The following TAS2R1 variants were observed in gnomAD, a reference collection of about 807,000 sequenced individuals.
TAS2R1 encodes the protein taste receptor type 2 member 1.
For missense variants in TAS2R1, 370 were observed against 353.4 expected (o/e 1.05, Z -0.38); for synonymous variants, 141 against 134.2 (o/e 1.05, Z -0.35).
At chr5:9,845,306 A>G in the TAS2R1 span, among the ~76,000 whole-genome samples, 3 of 152,214 alleles carry the variant, frequency 2.0e-5, no homozygotes, top group Non-Finnish European at 4.4e-5. Flanking sequence ...TATTATTGGT[A>G]TATTTGCCTG....
chr5:9,856,095 C>A, the TAS2R1 span, among the ~76,000 whole-genome samples: 3 of 151,850 alleles, frequency 2.0e-5, no homozygotes. Flanking sequence ...TTATTAGAAC[C>A]AAACCTTCAG....
the TAS2R1 span, among the ~76,000 whole-genome samples, chr5:9,862,423 G>C: frequency 6.6e-6 from 1 of 152,206 alleles, no homozygotes; most frequent in East Asian, 1.9e-4. Context: ...CAGCCGTGGA[G>C]GAAGGGAAGC....
chr5:9,812,166 C>A, the TAS2R1 span, among the ~76,000 whole-genome samples: 8 of 151,984 alleles, frequency 5.3e-5, no homozygotes, highest in Non-Finnish European at 4.4e-5. Context: ...ACCCAATAAC[C>A]CATGAATTTC....
At chr5:9,882,616 A>C in the TAS2R1 span, among the ~76,000 whole-genome samples, 1 of 152,180 alleles carries the variant, frequency 6.6e-6, no homozygotes, top group African/African-American at 2.4e-5. Flanking sequence ...ACAGAGCAAA[A>C]CTCTTGTCTC....
chr5:9,756,716 T>C, the TAS2R1 span, among the ~76,000 whole-genome samples: 2 of 152,200 alleles, frequency 1.3e-5, no homozygotes, highest in African/African-American at 4.8e-5. Context: ...ATGACATTTT[T>C]ATTTTATTTT....
At chr5:9,786,154 C>T in the TAS2R1 span, among the ~76,000 whole-genome samples, 3 of 152,134 alleles carry the variant, frequency 2.0e-5, no homozygotes, top group Non-Finnish European at 4.4e-5. Context: ...GGCAGGATGT[C>T]ATTAGGAAAA....
the TAS2R1 span, among the ~76,000 whole-genome samples, chr5:9,802,736 A>C: frequency 6.6e-6 from 1 of 152,110 alleles, no homozygotes; most frequent in South Asian, 2.1e-4. Flanking sequence ...CCCCATCTCT[A>C]CTAAAAATAC....
At chr5:9,676,077 T>A (rs1002781580) in intron 1 of TAS2R1, among the ~76,000 whole-genome samples, 1 of 152,208 alleles carries the variant, frequency 6.6e-6, no homozygotes, top group Admixed American at 6.5e-5. Context: ...TGTTAAAATT[T>A]TGTCAATTTT....
Position 9,667,375 on chromosome 5 carries a change from G to A in TAS2R1, c.-241-7794C>T, listed in dbSNP as rs533445965. 1.7e-4 allele frequency among the ~76,000 whole-genome samples: 26 copies of A among 152,262 alleles called. No homozygotes were observed. The South Asian group carries it at 5.2e-3, about 30-fold the overall frequency. On this transcript the variant is annotated intron_variant, in intron 1 of 2. Coordinates refer to the TAS2R1 transcript ENST00000506620. ...AATTTGCCAAAGGGTACAGCCTCCT[G>A]TTGCCCTGGAAATACCTGGATTGCA...
At chr5:9,844,396 A>G in the TAS2R1 span, among the ~76,000 whole-genome samples, 1 of 152,036 alleles carries the variant, frequency 6.6e-6, no homozygotes, top group Non-Finnish European at 1.5e-5. Flanking sequence ...TCAGTTCTTT[A>G]TATTTGCCCT....
At chr5:9,878,048 T>A in the TAS2R1 span, among the ~76,000 whole-genome samples, 1 of 152,164 alleles carries the variant, frequency 6.6e-6, no homozygotes, top group Non-Finnish European at 1.5e-5. Flanking sequence ...TTAAACATAA[T>A]CCACTAGGAC....
At chr5:9,752,358 G>C in the TAS2R1 span, among the ~76,000 whole-genome samples, 358 of 152,248 alleles carry the variant, frequency 2.4e-3, no homozygotes, top group Non-Finnish European at 3.9e-3. Flanking sequence ...GGTCCATGTA[G>C]CTCTACTGAA....
the TAS2R1 span, among the ~76,000 whole-genome samples, chr5:9,734,436 C>T: frequency 6.6e-6 from 1 of 152,248 alleles, no homozygotes; most frequent in Non-Finnish European, 1.5e-5. Flanking sequence ...GATTTATTAA[C>T]CCACATCTGA....
At chr5:9,767,927 A>AG in the TAS2R1 span, among the ~76,000 whole-genome samples, 2 of 151,058 alleles carry the variant, frequency 1.3e-5, no homozygotes, top group South Asian at 4.2e-4. Flanking sequence ...CCGTCTCAAA[A>AG]AAAAAAAAAA....
chr5:9,786,776 T>C, the TAS2R1 span, among the ~76,000 whole-genome samples: 2 of 152,112 alleles, frequency 1.3e-5, no homozygotes, highest in Non-Finnish European at 2.9e-5. Flanking sequence ...TAAGGAGAAA[T>C]AACCTCCTTT....
chr5:9,750,415 A>G, the TAS2R1 span, among the ~76,000 whole-genome samples: 1 of 152,112 alleles, frequency 6.6e-6, no homozygotes, highest in African/African-American at 2.4e-5. Flanking sequence ...ATTTTAAATG[A>G]TTTGCTCTGA....
chr5:9,876,545 GCA>G, the TAS2R1 span, among the ~76,000 whole-genome samples: 99 of 152,138 alleles, frequency 6.5e-4, no homozygotes, highest in Non-Finnish European at 9.8e-4. Context: ...TACCCGAGAA[GCA>G]CAGTCTTTCT....
chr5:9,835,695 G>T, the TAS2R1 span, among the ~76,000 whole-genome samples: 501 of 152,224 alleles, frequency 3.3e-3, 1 homozygote, highest in Middle Eastern at 0.014. Context: ...GTCCTGCAAA[G>T]TGGCAGGGGG....
the TAS2R1 span, among the ~76,000 whole-genome samples, chr5:9,743,528 C>T: frequency 6.6e-6 from 1 of 152,110 alleles, no homozygotes; most frequent in Non-Finnish European, 1.5e-5. Context: ...TACAATCAAA[C>T]ATCCCATTGT....
Sources: allele counts gnomAD v4.1 joint callset (sites outside exome capture counted in the v4.1 genomes callset), GRCh38; gene constraint gnomAD v4.1.1; transcripts MANE v1.5; gene names NCBI Gene and HGNC (gene_info 2026-07-23, HGNC 2026-07-21).